Variants in ANGPT1 observed in about 807,000 individuals in gnomAD.
ANGPT1 encodes the protein angiopoietin 1.
A neutral mutation model predicts 62.2 loss-of-function variants in ANGPT1; 17 were observed. That is an observed-to-expected ratio of 0.27 (90% CI 0.19 to 0.41). The LOEUF is 0.41. Ranked by LOEUF, ANGPT1 falls within the 10% of genes least tolerant of loss-of-function variation. The probability of loss-of-function intolerance (pLI) is 1.00; values close to 1 mark genes in which losing one functional copy is unlikely to be tolerated. For synonymous variants in ANGPT1, 199 were observed against 198.9 expected, an observed-to-expected ratio of 1.00 and a Z score of 0.00; for missense variants, 478 against 594.9, an observed-to-expected ratio of 0.80 and a Z score of 2.04.
intron 1 of ANGPT1, among the ~76,000 whole-genome samples, chr8:107,455,342 A>C (rs1811892083): frequency 6.6e-6 from 1 of 152,082 alleles, no homozygotes; most frequent in African/African-American, 2.4e-5. Context: ...TTTTAGATGG[A>C]GTTGTCTTAC....
At chr8:107,359,509 T>C (rs1239927472) in intron 1 of ANGPT1, among the ~76,000 whole-genome samples, 1 of 152,192 alleles carries the variant, frequency 6.6e-6, no homozygotes, top group Non-Finnish European at 1.5e-5. Flanking sequence ...TTCTCAAACA[T>C]AAATTACTAC....
At chr8:107,326,808 A>G (rs929032249) in intron 3 of ANGPT1, among the ~76,000 whole-genome samples, 9 of 152,174 alleles carry the variant, frequency 5.9e-5, no homozygotes, top group African/African-American at 2.2e-4. Context: ...GGTAAGAATC[A>G]AATGTTTTCT....
chr8:107,475,245 C>T (rs80009806), intron 1 of ANGPT1, among the ~76,000 whole-genome samples: 25,201 of 151,740 alleles, frequency 0.17, 2,384 homozygotes, highest in African/African-American at 0.24. Context: ...AGATATAGGC[C>T]AATGGAACAG....
In ANGPT1 at chr8:107,377,932, A is replaced by T. The variant is rs79294119; in HGVS notation, c.298-30835T>A. 3.9e-5 allele frequency among the ~76,000 whole-genome samples: 6 copies of T among 151,968 alleles called. No individual in the cohort carries two copies. In the East Asian group the frequency reaches 7.8e-4, roughly 20 times the overall value. On this transcript the variant is annotated intron_variant, in intron 1 of 8. Coordinates refer to ENST00000517746, the MANE Select transcript of ANGPT1 (RefSeq NM_001146.5). ...ACTTCAATATTGTCATGAAAAAAAA[A>T]CATATCAGTTGTCAAAATTGACTCC...
intron 1 of ANGPT1, among the ~76,000 whole-genome samples, chr8:107,398,064 A>G (rs934495262): frequency 6.6e-6 from 1 of 152,192 alleles, no homozygotes; most frequent in Non-Finnish European, 1.5e-5. Flanking sequence ...GGTGCTGACA[A>G]TAACTCTGAG....
intron 1 of ANGPT1, among the ~76,000 whole-genome samples, chr8:107,386,750 A>G (rs947026895): frequency 6.6e-6 from 1 of 152,124 alleles, no homozygotes; most frequent in Non-Finnish European, 1.5e-5. Flanking sequence ...TGCCTAGCAT[A>G]TATAAAGTCT....
chr8:107,370,531 G>A (rs568944144), intron 1 of ANGPT1, among the ~76,000 whole-genome samples: 1 of 135,046 alleles, frequency 7.4e-6, no homozygotes, highest in South Asian at 2.6e-4. Flanking sequence ...GCCCAACATG[G>A]TCTCTACTAA....
At chr8:107,348,279 C>G (rs1358838406) in intron 1 of ANGPT1, among the ~76,000 whole-genome samples, 8 of 152,316 alleles carry the variant, frequency 5.3e-5, no homozygotes, top group African/African-American at 1.9e-4. Context: ...AATACATCCA[C>G]TATTTCATAA....
At chr8:107,340,515 T>C (rs1000562159) in intron 2 of ANGPT1, among the ~76,000 whole-genome samples, 4 of 152,144 alleles carry the variant, frequency 2.6e-5, no homozygotes, top group Non-Finnish European at 5.9e-5. Context: ...ATATTAATGC[T>C]AAAAGTCAGA....
intron 7 of ANGPT1, among the ~76,000 whole-genome samples, chr8:107,279,256 C>T (rs1563547180): frequency 1.3e-5 from 2 of 151,992 alleles, no homozygotes; most frequent in South Asian, 2.1e-4. Context: ...TAGTGATGCA[C>T]AGGTAAAGGT....
intron 1 of ANGPT1, among the ~76,000 whole-genome samples, chr8:107,478,374 C>A (rs937609952): frequency 2.0e-5 from 3 of 151,808 alleles, no homozygotes; most frequent in Non-Finnish European, 4.4e-5. Flanking sequence ...CATGGGAAAA[C>A]CCCACTCTAC....
chr8:107,350,530 T>C (rs1815910277), intron 1 of ANGPT1, among the ~76,000 whole-genome samples: 3 of 152,096 alleles, frequency 2.0e-5, no homozygotes, highest in Non-Finnish European at 4.4e-5. Flanking sequence ...TTTTTAATTA[T>C]AAAAGTTAAC....
At chr8:107,274,077 A>G (rs1313607635) in intron 7 of ANGPT1, among the ~76,000 whole-genome samples, 1 of 152,166 alleles carries the variant, frequency 6.6e-6, no homozygotes, top group Non-Finnish European at 1.5e-5. Flanking sequence ...CCACAAGAGA[A>G]GGTATGGTGT....
intron 4 of ANGPT1, among the ~76,000 whole-genome samples, chr8:107,316,889 C>A (rs1440292001): frequency 1.3e-5 from 2 of 152,084 alleles, no homozygotes; most frequent in Non-Finnish European, 2.9e-5. Context: ...CAATGATTTC[C>A]AGCTTTGTAA....
At chr8:107,313,485 G>A (rs1416459168) in intron 4 of ANGPT1, among the ~76,000 whole-genome samples, 4 of 115,864 alleles carry the variant, frequency 3.5e-5, no homozygotes, top group Non-Finnish European at 4.9e-5. Context: ...TGTCGCCCAG[G>A]CTGGAGTGCA....
rs1175370428 is a variant in ANGPT1, at chr8:107,257,879, TCTTTTTTG to T, written c.1337-5872_1337-5865del. ...TTCAGGCCAAGGACTTGTTTTTGTT[TCTTTTTTG>T]TTTGTTTGTTTGTTTGTTTGTTTTT... On this transcript the variant is annotated intron_variant, in intron 8 of 8. Transcript: ENST00000517746. Among the ~76,000 whole-genome samples the T allele has an allele frequency of 2.9e-5, 2 of 68,656 alleles. 1 individual carries two copies. The highest frequency in any genetic ancestry group is 3.4e-4 in the Admixed American group (2 of 5,832). 45.0% of individuals were successfully genotyped at this position (68,656 alleles called of 152,430 possible).
chr8:107,398,201 G>A (rs1816973495), intron 1 of ANGPT1, among the ~76,000 whole-genome samples: 1 of 152,116 alleles, frequency 6.6e-6, no homozygotes, highest in African/African-American at 2.4e-5. Flanking sequence ...TACAAATTTT[G>A]TTCTTATTTT....
chr8:107,252,946 T>G (rs1813279122), intron 8 of ANGPT1, among the ~76,000 whole-genome samples: 2 of 152,198 alleles, frequency 1.3e-5, no homozygotes, highest in Non-Finnish European at 1.5e-5. Context: ...ATTACAGACT[T>G]ATACCTAAGG....
chr8:107,392,618 C>T (rs1816856911), intron 1 of ANGPT1, among the ~76,000 whole-genome samples: 1 of 152,020 alleles, frequency 6.6e-6, no homozygotes, highest in Non-Finnish European at 1.5e-5. Flanking sequence ...GTCATTTTTG[C>T]CATGCAAATA....
Sources: allele counts gnomAD v4.1 joint callset (sites outside exome capture counted in the v4.1 genomes callset), GRCh38; gene constraint gnomAD v4.1.1; transcripts MANE v1.5; gene names NCBI Gene and HGNC (gene_info 2026-07-23, HGNC 2026-07-21).